FUT8: variants seen among roughly 807,000 people sequenced by gnomAD.
The protein encoded by FUT8 is fucosyltransferase 8, also known as alpha-(1,6)-fucosyltransferase.
FUT8 carries 29 observed loss-of-function variants against 71.3 expected under a neutral mutation model. The observed-to-expected ratio is 0.41, with a 90% CI of 0.30 to 0.55. The LOEUF is 0.55. Among genes scored for constraint, FUT8 ranks in the 20% least tolerant of loss-of-function variants. FUT8 has a pLI of 0.34. For missense variants in FUT8, 544 were observed against 702.1 expected (o/e 0.77, Z 2.55); for synonymous variants, 254 against 239.3 (o/e 1.06, Z -0.57).
Position 65,585,252 on chromosome 14 carries a change from G to A in FUT8, c.203+23486G>A, listed in dbSNP as rs146700764. ...CTGCTGTCCAGGCTGGAATGCAGTG[G>A]CATGGACATGGCTCACTGCAGCCTC... On this transcript the variant is annotated intron_variant, in intron 3 of 10. Transcript: ENST00000673929. Among the ~76,000 whole-genome samples, 517 of 152,200 alleles carry A rather than the reference G, an allele frequency of 3.4e-3. 2 individuals are homozygous for A. Among genetic ancestry groups the A allele is most frequent in the African/African-American group, 0.012 (490 of 41,514 alleles).
chr14:65,542,073 G>A (rs1884707054), intron 2 of FUT8, among the ~76,000 whole-genome samples: 2 of 152,100 alleles, frequency 1.3e-5, no homozygotes, highest in African/African-American at 4.8e-5. Context: ...ACCTACCTAC[G>A]TCGTAAGGGT....
chr14:65,689,698 C>T (rs1287500644), intron 7 of FUT8, among the ~76,000 whole-genome samples: 2 of 152,200 alleles, frequency 1.3e-5, no homozygotes, highest in Non-Finnish European at 2.9e-5. Flanking sequence ...GCCACCGTGC[C>T]TGGCTAATTG....
chr14:65,364,676 A>T, the FUT8 span, among the ~76,000 whole-genome samples: 1 of 152,182 alleles, frequency 6.6e-6, no homozygotes, highest in South Asian at 2.1e-4. Context: ...CCTTTTGTCC[A>T]TCTGGTCCAG....
chr14:65,666,462 A>G (rs1476694952), intron 6 of FUT8, among the ~76,000 whole-genome samples: 1 of 152,060 alleles, frequency 6.6e-6, no homozygotes, highest in African/African-American at 2.4e-5. Flanking sequence ...GAAACATACA[A>G]CCTCCCAAGA....
intron 7 of FUT8, among the ~76,000 whole-genome samples, chr14:65,686,489 T>C (rs1893292581): frequency 6.6e-6 from 1 of 152,206 alleles, no homozygotes; most frequent in Non-Finnish European, 1.5e-5. Context: ...AGGTTAATAG[T>C]TGAGGCCTAT....
chr14:65,677,950 AG>A (rs1892849788), intron 7 of FUT8, among the ~76,000 whole-genome samples: 1 of 152,206 alleles, frequency 6.6e-6, no homozygotes, highest in South Asian at 2.1e-4. Flanking sequence ...TAGAGAATGA[AG>A]AACATCATTT....
At chr14:65,713,044 C>T (rs1188663287) in intron 7 of FUT8, among the ~76,000 whole-genome samples, 1 of 152,100 alleles carries the variant, frequency 6.6e-6, no homozygotes, top group African/African-American at 2.4e-5. Flanking sequence ...CCTCCCTTAC[C>T]CCCCACCTCC....
intron 7 of FUT8, among the ~76,000 whole-genome samples, chr14:65,680,155 C>A (rs1892968408): frequency 6.6e-6 from 1 of 152,160 alleles, no homozygotes; most frequent in Admixed American, 6.5e-5. Context: ...AAGCTGGAGA[C>A]CCAGGAAAGC....
rs186530685 is a variant in FUT8, at chr14:65,599,428, A to T, written c.204-16550A>T. 3.4e-3 allele frequency among the ~76,000 whole-genome samples: 521 copies of T among 152,300 alleles called. 1 individual carries two copies. Among genetic ancestry groups the T allele is most frequent in the Non-Finnish European group, 5.6e-3 (380 of 68,008 alleles). On this transcript the variant is annotated intron_variant, in intron 3 of 10. Coordinates refer to ENST00000673929, the MANE Select transcript of FUT8 (RefSeq NM_001371533.1). ...GAAAGGAGGCAAAAGTTCCTTTTTG[A>T]AAATTGATTTATTTCTTGGTTTGGT...
chr14:65,501,778 T>G lies in FUT8; in HGVS notation c.-228+46060T>G, dbSNP rs182280737. 4.4e-3 allele frequency among the ~76,000 whole-genome samples: 676 copies of G among 152,304 alleles called. 5 individuals are homozygous for G. The highest frequency in any genetic ancestry group is 7.9e-3 in the Non-Finnish European group (537 of 68,024). The stretch of plus-strand genomic sequence containing the variant: ...CTCTTGGTCTCTTTTCCTAGCTACT[T>G]GGACCCCAGACCCAGATATTCTTAA... On this transcript the variant is annotated intron_variant, in intron 2 of 10. Coordinates refer to ENST00000673929, the MANE Select transcript of FUT8 (RefSeq NM_001371533.1).
intron 7 of FUT8, among the ~76,000 whole-genome samples, chr14:65,720,157 T>G (rs1479914666): frequency 6.6e-6 from 1 of 152,134 alleles, no homozygotes; most frequent in Non-Finnish European, 1.5e-5. Flanking sequence ...CTCCTGCAGC[T>G]GAGCTGGCAT....
chr14:65,736,256 T>G (rs1896211627), intron 10 of FUT8, among the ~76,000 whole-genome samples: 1 of 152,054 alleles, frequency 6.6e-6, no homozygotes, highest in African/African-American at 2.4e-5. Flanking sequence ...GTTAAACACA[T>G]TAGCTGCTAT....
At chr14:65,498,889 GTCATGCCTCTT>G (rs1217389360) in intron 2 of FUT8, among the ~76,000 whole-genome samples, 6 of 152,258 alleles carry the variant, frequency 3.9e-5, no homozygotes, top group African/African-American at 1.4e-4. Context: ...CTAAATTTAT[GTCATGCCTCTT>G]TCATTGTGAA....
chr14:65,469,635 C>G (rs1041471422), intron 2 of FUT8, among the ~76,000 whole-genome samples: 1 of 152,192 alleles, frequency 6.6e-6, no homozygotes, highest in African/African-American at 2.4e-5. Flanking sequence ...AGAGGGCAGC[C>G]CCTCTCTATA....
At chr14:65,712,831 C>T (rs949330586) in intron 7 of FUT8, among the ~76,000 whole-genome samples, 2 of 152,098 alleles carry the variant, frequency 1.3e-5, no homozygotes, top group Non-Finnish European at 2.9e-5. Context: ...TATTTTGATA[C>T]AGGCATACAA....
chr14:65,403,738 A>AT, the FUT8 span, among the ~76,000 whole-genome samples: 127 of 143,190 alleles, frequency 8.9e-4, no homozygotes, highest in Non-Finnish European at 1.5e-3. Flanking sequence ...ATAGTGGTTA[A>AT]TTTTTTTTTT....
chr14:65,622,062 G>A (rs914867781), intron 5 of FUT8, among the ~76,000 whole-genome samples: 1 of 152,190 alleles, frequency 6.6e-6, no homozygotes, highest in Non-Finnish European at 1.5e-5. Context: ...GACTTCAGGT[G>A]ATCCATCTAC....
intron 3 of FUT8, among the ~76,000 whole-genome samples, chr14:65,588,196 C>T (rs1471901615): frequency 6.6e-6 from 1 of 152,172 alleles, no homozygotes; most frequent in Non-Finnish European, 1.5e-5. Flanking sequence ...CTGTTCTCCC[C>T]TGTACCCTAT....
rs2065162958 is a variant in FUT8 at position 65,413,143 on chromosome 14, G to C, written c.-397G>C. ...CTTCCCACTCCCCCATCGTGGGGCA[G>C]CTGCGGCTGAGGGCTGTGGCTTTGG... On this transcript the variant is annotated 5_prime_UTR_variant, in exon 1 of 11. Coordinates refer to ENST00000673929, the MANE Select transcript of FUT8 (RefSeq NM_001371533.1). The surrounding 1 kb of genome is among the most constrained non-coding windows in gnomAD (Gnocchi z 4.1). The C allele has an allele frequency of 6.5e-6, 1 of 152,846 alleles. No homozygotes were observed. Among genetic ancestry groups the C allele is most frequent in the Non-Finnish European group, 1.5e-5 (1 of 68,182 alleles). 9.5% of individuals were successfully genotyped at this position (152,846 alleles called of 1,614,324 possible).
Sources: gnomAD v4.1 joint callset for allele counts (sites outside exome capture counted in the v4.1 genomes callset) on GRCh38, gnomAD v4.1.1 for gene constraint, Gnocchi (gnomAD v3.1) non-coding constraint, MANE v1.5 for transcripts, NCBI Gene and HGNC (gene_info 2026-07-23, HGNC 2026-07-21) for gene names.